The following CDIP1 variants were observed in gnomAD, a reference collection of about 807,000 sequenced individuals.
The protein encoded by CDIP1 is cell death-inducing p53-target protein 1.
Under a neutral mutation model 17.7 loss-of-function variants are expected in CDIP1, and 9 were observed. The observed-to-expected ratio is 0.51, with a 90% CI of 0.31 to 0.89. The LOEUF is 0.89. Ranked by LOEUF, CDIP1 falls within the 40% of genes least tolerant of loss-of-function variation. CDIP1 has a pLI of 0.05. For missense variants in CDIP1, 263 were observed against 277.9 expected (o/e 0.95, Z 0.38); for synonymous variants, 117 against 109.5 (o/e 1.07, Z -0.43).
chr16:4,537,864 C>T lies in CDIP1; in HGVS notation c.-105+838G>A, dbSNP rs1314899529. Among the ~76,000 whole-genome samples, 3 of 152,236 alleles carry T rather than the reference C, an allele frequency of 2.0e-5. No individual in the cohort carries two copies. The East Asian group carries it at 5.8e-4, about 29-fold the overall frequency. ...TAAGCCAAGGTCCTCGAAGGCGCGACTCCTAGCCCCAAGCTAGGCCAGGCC... is the reference window on the plus strand; with the variant it reads ...TAAGCCAAGGTCCTCGAAGGCGCGATTCCTAGCCCCAAGCTAGGCCAGGCC... On this transcript the variant is annotated intron_variant, in intron 1 of 5. Transcript: ENST00000567695.
chr16:4,513,926 T>G lies in CDIP1; in HGVS notation c.86-75A>C, dbSNP rs892750228. 1 of 1,447,768 alleles carries G rather than the reference T, an allele frequency of 6.9e-7. No homozygotes were observed. The highest frequency in any genetic ancestry group is 2.3e-5 in the Admixed American group (1 of 42,726). The allele number at this position is 1,447,768 out of a possible 1,614,324, so 89.7% of individuals were successfully genotyped here. On this transcript the variant is annotated intron_variant, in intron 3 of 5. Transcript: ENST00000567695. This position sits in a 1 kb window ranked among gnomAD's most constrained non-coding sequence, Gnocchi z 4.1. Reference sequence around the variant, plus strand: ...ATGAGCTCGACCAGAGGCCACTGTTTTGGGACACAGATGGGGCCCAGGGGT... The same window carrying G: ...ATGAGCTCGACCAGAGGCCACTGTTGTGGGACACAGATGGGGCCCAGGGGT...
rs1172487764 is a variant in CDIP1, at chr16:4,532,008, GC to G, written c.-105+6693del. Among the ~76,000 whole-genome samples the G allele has an allele frequency of 3.3e-5, 5 of 152,364 alleles. No homozygotes were observed. The East Asian group carries it at 9.6e-4, about 29-fold the overall frequency. On this transcript the variant is annotated intron_variant, in intron 1 of 5. Transcript: ENST00000567695. ...CCTCTAGCAGGGGGAGTGCCTCTGAGCTAATAGGCAATTCAAGGACTTTAGA... is the reference window on the plus strand; with the variant it reads ...CCTCTAGCAGGGGGAGTGCCTCTGAGTAATAGGCAATTCAAGGACTTTAGA...
intron 1 of CDIP1, among the ~76,000 whole-genome samples, chr16:4,516,721 T>C (rs1201848848): frequency 7.2e-6 from 1 of 138,256 alleles, no homozygotes; most frequent in East Asian, 2.0e-4. Context: ...TTTTTTTTTT[T>C]TTGTGAGACA....
In CDIP1 at chr16:4,511,927, T is replaced by G. The variant is rs1357076922; in HGVS notation, c.*645A>C. The G allele has an allele frequency of 2.6e-5, 4 of 154,486 alleles. No homozygotes were observed. The highest frequency in any genetic ancestry group is 6.4e-5 in the Admixed American group (1 of 15,680). The allele number at this position is 154,486 out of a possible 1,614,324, so 9.6% of individuals were successfully genotyped here. On this transcript the variant is annotated 3_prime_UTR_variant, in exon 6 of 6. Coordinates refer to ENST00000567695, the MANE Select transcript of CDIP1 (RefSeq NM_013399.3). Reference sequence around the variant, plus strand: ...ACCCAGGTACAGTGTCCTCTCTACCTGACACCAGGCAGCTCTCGGGCACTG... The same window carrying G: ...ACCCAGGTACAGTGTCCTCTCTACCGGACACCAGGCAGCTCTCGGGCACTG...
At chr16:4,526,693 C>T (rs1302963448) in intron 1 of CDIP1, among the ~76,000 whole-genome samples, 1 of 148,506 alleles carries the variant, frequency 6.7e-6, no homozygotes, top group Admixed American at 6.7e-5. Context: ...GAGTGAGACT[C>T]CATCTCAAAA....
chr16:4,520,679 A>G (rs1387731950), intron 1 of CDIP1, among the ~76,000 whole-genome samples: 1 of 152,194 alleles, frequency 6.6e-6, no homozygotes, highest in Admixed American at 6.6e-5. Context: ...GTCACTAAAT[A>G]TTGTTAACGC....
intron 1 of CDIP1, among the ~76,000 whole-genome samples, chr16:4,531,762 C>A (rs370086393): frequency 1.3e-5 from 2 of 152,334 alleles, no homozygotes; most frequent in Middle Eastern, 6.8e-3. Context: ...CACACATTCT[C>A]CAGAAATGGT....
rs1412389711 is a variant in CDIP1, at chr16:4,512,799, G to A, written c.507C>T (p.Cys169=). The change falls in exon 5 of 6, where the codon TGC becomes TGT. Residue 169 remains cysteine (C), a synonymous_variant. Coordinates refer to ENST00000567695, the MANE Select transcript of CDIP1 (RefSeq NM_013399.3). This position sits in a 1 kb window ranked among gnomAD's most constrained non-coding sequence, Gnocchi z 4.6. ...LMNFVLGFFC[C]FMGCDLGCCL... is the part of the protein sequence containing the mutation. Reference sequence around the variant, plus strand: ...GTGCCCACACCACCTACCCCATGAAGCAACAGAAGAAACCCAGCACGAAAT... The same window carrying A: ...GTGCCCACACCACCTACCCCATGAAACAACAGAAGAAACCCAGCACGAAAT... 1.9e-6 allele frequency: 3 copies of A among 1,577,712 alleles called. No individual in the cohort carries two copies. The highest frequency in any genetic ancestry group is 2.6e-6 in the Non-Finnish European group (3 of 1,161,370).
intron 1 of CDIP1, among the ~76,000 whole-genome samples, chr16:4,519,547 G>A (rs2058923174): frequency 6.6e-6 from 1 of 152,228 alleles, no homozygotes; most frequent in Non-Finnish European, 1.5e-5. Flanking sequence ...CTTCCACCAT[G>A]GGATGACACA....
At chr16:4,529,415 G>A (rs889317164) in intron 1 of CDIP1, among the ~76,000 whole-genome samples, 2 of 152,172 alleles carry the variant, frequency 1.3e-5, no homozygotes, top group African/African-American at 4.8e-5. Flanking sequence ...CAGTGATCTC[G>A]CCAGGACTCT....
At position 4,511,129 on chromosome 16, in the gene CDIP1, G is replaced by A. The variant is rs2058823469; in HGVS notation, c.*1443C>T. On this transcript the variant is annotated 3_prime_UTR_variant, in exon 6 of 6. Coordinates refer to ENST00000567695, the MANE Select transcript of CDIP1 (RefSeq NM_013399.3). The stretch of plus-strand genomic sequence containing the variant: ...AGTCACAGCTGGAAATCCCAGGGCT[G>A]GTCTACACCCGACTCTGGTTTGGTT... 6.6e-6 allele frequency: 1 copy of A among 152,246 alleles called. No homozygotes were observed. The highest frequency in any genetic ancestry group is 1.5e-5 in the Non-Finnish European group (1 of 68,066). The allele number at this position is 152,246 out of a possible 1,614,324, so 9.4% of individuals were successfully genotyped here.
chr16:4,530,185 G>A (rs559739703), intron 1 of CDIP1, among the ~76,000 whole-genome samples: 1 of 152,328 alleles, frequency 6.6e-6, no homozygotes, highest in African/African-American at 2.4e-5. Flanking sequence ...TAGGAACTGA[G>A]AGTGGGAATC....
chr16:4,513,744 C>T lies in CDIP1; in HGVS notation c.193G>A (p.Gly65Ser), dbSNP rs1201031095. Residue 65 changes from glycine (G) to serine (S), a missense_variant, in exon 4 of 6, where the codon GGC (glycine) becomes AGC (serine). By Grantham distance (56) the Gly-to-Ser change is moderately conservative (BLOSUM62 0). Transcript: ENST00000567695. The surrounding 1 kb of genome is among the most constrained non-coding windows in gnomAD (Gnocchi z 4.1). ...GCACTCATGTGTGGTGGGATGAAGC[C>T]AGGCTGGGGCATTGGGTGACCCGGC... is the stretch of plus-strand genomic sequence containing the variant. ...EPPGHPMPQP[G>S]FIPPHMSADG... 8.1e-6 allele frequency: 13 copies of T among 1,613,674 alleles called. No individual in the cohort carries two copies. The highest frequency in any genetic ancestry group is 9.3e-6 in the Non-Finnish European group (11 of 1,179,752).
At position 4,512,488 on chromosome 16, in the gene CDIP1, G is replaced by T; in HGVS notation, c.*84C>A. ...TGGCACGGCTCCCAGCCCCAAGTGG[G>T]AGCGGGAAAGTGACCACTGAGCACA... On this transcript the variant is annotated 3_prime_UTR_variant, in exon 6 of 6. Transcript: ENST00000567695. The surrounding 1 kb of genome is among the most constrained non-coding windows in gnomAD (Gnocchi z 4.6). 1.0e-6 allele frequency: 1 copy of T among 965,900 alleles called. No homozygotes were observed. The highest frequency in any genetic ancestry group is 1.7e-6 in the Non-Finnish European group (1 of 599,936). The allele number at this position is 965,900 out of a possible 1,614,324, so 59.8% of individuals were successfully genotyped here. A position where few individuals can be genotyped will look rare whatever the true frequency, so the allele number is the denominator to read the frequency against.
intron 1 of CDIP1, among the ~76,000 whole-genome samples, chr16:4,528,956 T>G (rs1490350869): frequency 6.6e-6 from 1 of 152,130 alleles, no homozygotes; most frequent in East Asian, 1.9e-4. Flanking sequence ...ATCATTGTAC[T>G]CCAGGCCGGG....
chr16:4,516,394 T>G (rs1472453105), intron 1 of CDIP1, among the ~76,000 whole-genome samples: 1 of 152,116 alleles, frequency 6.6e-6, no homozygotes, highest in African/African-American at 2.4e-5. Context: ...AATGGGTGAA[T>G]TGAATGGTAC....
In CDIP1 at chr16:4,535,175, C is replaced by A. The variant is rs962390607; in HGVS notation, c.-105+3527G>T. ...TTCCTTCTTGGGGGAAAAACCCAGA[C>A]ACTGGGACTAGATCTGAATTCAGAC... On this transcript the variant is annotated intron_variant, in intron 1 of 5. Coordinates refer to ENST00000567695, the MANE Select transcript of CDIP1 (RefSeq NM_013399.3). Among the ~76,000 whole-genome samples, 3 of 152,168 alleles carry A rather than the reference C, an allele frequency of 2.0e-5. No individual in the cohort carries two copies. The East Asian group carries it at 5.8e-4, about 29-fold the overall frequency.
At position 4,512,489 on chromosome 16, in the gene CDIP1, A is replaced by G; in HGVS notation, c.*83T>C. 1 of 967,802 alleles carries G rather than the reference A, an allele frequency of 1.0e-6. No individual in the cohort carries two copies. The allele number at this position is 967,802 out of a possible 1,614,324, so 60.0% of individuals were successfully genotyped here. On this transcript the variant is annotated 3_prime_UTR_variant, in exon 6 of 6. Transcript: ENST00000567695. The surrounding 1 kb of genome is among the most constrained non-coding windows in gnomAD (Gnocchi z 4.6). ...GGCACGGCTCCCAGCCCCAAGTGGG[A>G]GCGGGAAAGTGACCACTGAGCACAG...
At chr16:4,516,071 G>C (rs1313621381) in intron 1 of CDIP1, among the ~76,000 whole-genome samples, 1 of 152,188 alleles carries the variant, frequency 6.6e-6, no homozygotes, top group Non-Finnish European at 1.5e-5. Context: ...AGGCTGCCCA[G>C]ACAATGGAAG....
Sources: gnomAD v4.1 joint callset for allele counts (sites outside exome capture counted in the v4.1 genomes callset) on GRCh38, gnomAD v4.1.1 for gene constraint, Gnocchi (gnomAD v3.1) non-coding constraint, MANE v1.5 for transcripts, NCBI Gene and HGNC (gene_info 2026-07-23, HGNC 2026-07-21) for gene names.